Variants in KIF19 observed in about 807,000 individuals in gnomAD.
KIF19 encodes the protein kinesin-like protein KIF19.
Under a neutral mutation model 106.6 loss-of-function variants are expected in KIF19, and 98 were observed. That is an observed-to-expected ratio of 0.92 (90% CI 0.78 to 1.09). The LOEUF is 1.09. KIF19 is among the 50% of genes least tolerant of loss of function. KIF19 has a pLI of 0.00. For missense variants in KIF19, 1,373 were observed against 1,414.3 expected (o/e 0.97, Z 0.47); for synonymous variants, 516 against 584.2 (o/e 0.88, Z 1.68).
At chr17:74,341,118 T>C (rs1317681559) in intron 2 of KIF19, among the ~76,000 whole-genome samples, 1 of 152,094 alleles carries the variant, frequency 6.6e-6, no homozygotes, top group Admixed American at 6.6e-5. Flanking sequence ...GCGGGTCACT[T>C]GAGGTCAGGA....
intron 2 of KIF19, among the ~76,000 whole-genome samples, chr17:74,340,570 C>CACACACACACAT (rs2054343737): frequency 6.6e-6 from 1 of 152,104 alleles, no homozygotes; most frequent in Non-Finnish European, 1.5e-5. Context: ...CACACACACA[C>CACACACACACAT]ACACTGCTGC....
chr17:74,342,447 C>G (rs1433100499), intron 3 of KIF19, among the ~76,000 whole-genome samples, 183 bp from the exon 4 acceptor site: 8 of 152,168 alleles, frequency 5.3e-5, no homozygotes, highest in African/African-American at 1.7e-4. Flanking sequence ...TCTCTTTCAG[C>G]CTGACGTCCC....
chr17:74,343,803 A>G (rs572293024), intron 5 of KIF19, among the ~76,000 whole-genome samples: 268 of 152,282 alleles, frequency 1.8e-3, no homozygotes, highest in Middle Eastern at 3.4e-3. Context: ...CCCCAGAAGG[A>G]GCACAGGGGT....
chr17:74,346,284 A>G lies in KIF19; in HGVS notation c.778-94A>G, dbSNP rs1031417303. 1.7e-5 allele frequency: 24 copies of G among 1,385,556 alleles called. No homozygotes were observed. The highest frequency in any genetic ancestry group is 2.4e-5 in the Non-Finnish European group (24 of 1,018,994). The allele number at this position is 1,385,556 out of a possible 1,614,324, so 85.8% of individuals were successfully genotyped here. On this transcript the variant is annotated intron_variant, in intron 7 of 19. Coordinates refer to ENST00000389916, the MANE Select transcript of KIF19 (RefSeq NM_153209.4). The surrounding 1 kb of genome is among the most constrained non-coding windows in gnomAD (Gnocchi z 4.6). The stretch of plus-strand genomic sequence containing the variant: ...CAAGGTCCTTGGGGGTTTATTACCC[A>G]GGATCACCAGGTCATTCATTGGTGG...
chr17:74,329,823 G>A (rs1415239239), intron 2 of KIF19, among the ~76,000 whole-genome samples: 1 of 152,220 alleles, frequency 6.6e-6, no homozygotes, highest in Non-Finnish European at 1.5e-5. Context: ...GTGGTAGGAT[G>A]TGCTAATGGC....
intron 10 of KIF19, among the ~76,000 whole-genome samples, 174 bp from the exon 11 acceptor site, chr17:74,350,227 G>C (rs1349588614): frequency 6.6e-6 from 1 of 152,190 alleles, no homozygotes; most frequent in Non-Finnish European, 1.5e-5. Flanking sequence ...CTCAATGTGG[G>C]AGTGGGGTCT....
intron 10 of KIF19, among the ~76,000 whole-genome samples, chr17:74,350,190 A>C (rs2054658441): frequency 6.6e-6 from 1 of 152,182 alleles, no homozygotes; most frequent in Non-Finnish European, 1.5e-5. Flanking sequence ...AGGAGCTGGG[A>C]ATTGCTTTTG....
chr17:74,326,474 G>A (rs949279238), intron 1 of KIF19, 86 bp downstream of exon 1: 4 of 1,319,534 alleles, frequency 3.0e-6, no homozygotes, highest in African/African-American at 1.5e-5. Context: ...TCCCCTCGCC[G>A]CCACCCCACT....
intron 2 of KIF19, among the ~76,000 whole-genome samples, chr17:74,333,863 C>CTTTTTTTTTTTTT (rs368776098): frequency 4.5e-5 from 6 of 132,610 alleles, no homozygotes; most frequent in African/African-American, 5.7e-5. Context: ...CTTTTTTTTT[C>CTTTTTTTTTTTTT]TTTTTTTTTT....
At chr17:74,330,223 C>G (rs768006312) in intron 2 of KIF19, among the ~76,000 whole-genome samples, 2 of 152,170 alleles carry the variant, frequency 1.3e-5, no homozygotes, top group Non-Finnish European at 2.9e-5. Flanking sequence ...AACAGTGGTT[C>G]GAGGAGGTTC....
chr17:74,342,818 G>A, intron 4 of KIF19, 101 bp downstream of exon 4: 1 of 1,308,904 alleles, frequency 7.6e-7, no homozygotes, highest in South Asian at 1.2e-5. Context: ...AATCCAGGAT[G>A]TGGTCGCTCC....
rs61173377 is a variant in KIF19, at chr17:74,340,556, T to TACACACACACAC, written c.121-1313_121-1302dup. Among the ~76,000 whole-genome samples, 59 of 151,906 alleles carry TACACACACACAC rather than the reference T, an allele frequency of 3.9e-4. No homozygotes were observed. The East Asian group carries it at 8.2e-3, about 21-fold the overall frequency. ...ACGTGCCAGCAGGTATGCGCGCGCG[T>TACACACACACAC]ACACACACACACACACACTGCTGCC... is the stretch of plus-strand genomic sequence containing the variant. On this transcript the variant is annotated intron_variant, in intron 2 of 19. Coordinates refer to ENST00000389916, the MANE Select transcript of KIF19 (RefSeq NM_153209.4).
Position 74,353,527 on chromosome 17 carries a change from A to G in KIF19, c.2254A>G (p.Asn752Asp), listed in dbSNP as rs1438600209. Reference protein sequence around the residue: ...PAQDSLGSWINSSPDSSENLS... With the variant: ...PAQDSLGSWIDSSPDSSENLS... ...TCAGGACAGCCTGGGCAGCTGGATC[A>G]ACTCTTCCCCTGACAGCAGTGAGAA... is the stretch of plus-strand genomic sequence containing the variant. Residue 752 changes from asparagine to aspartate, a missense_variant, in exon 17 of 20, where the codon AAC (asparagine) becomes GAC (aspartate). Around this residue, in one of 3 missense-constraint regions of KIF19, gnomAD observed 1,020 missense variants for 1,008.2 expected, o/e 1.01. Coordinates refer to ENST00000389916, the MANE Select transcript of KIF19 (RefSeq NM_153209.4). 1 of 1,613,876 alleles carries G rather than the reference A, an allele frequency of 6.2e-7. No homozygotes were observed. Among genetic ancestry groups the G allele is most frequent in the Non-Finnish European group, 8.5e-7 (1 of 1,179,880 alleles).
chr17:74,353,349 G>A, intron 16 of KIF19, 48 bp downstream of exon 16: 2 of 1,499,650 alleles, frequency 1.3e-6, no homozygotes, highest in Non-Finnish European at 1.8e-6. Flanking sequence ...TGCAGCGGGT[G>A]CGGGACATGG....
In KIF19 at chr17:74,355,216, C is replaced by A. The variant is rs1303906139; in HGVS notation, c.2901C>A (p.Pro967=). ...ACTCCTCACCCCTGGCTGTTCCCCCCAACCCAGGTGGTGGTTCTCGACGGG... is the reference window on the plus strand; with the variant it reads ...ACTCCTCACCCCTGGCTGTTCCCCCAAACCCAGGTGGTGGTTCTCGACGGG... The part of the protein sequence containing the change: ...PGDSSPLAVP[P]NPGGGSRRAT... The change falls in exon 20 of 20, where the codon CCC becomes CCA. Residue 967 remains proline, a synonymous_variant. Transcript: ENST00000389916. 4 of 1,612,054 alleles carry A rather than the reference C, an allele frequency of 2.5e-6. No homozygotes were observed. The highest frequency in any genetic ancestry group is 1.7e-6 in the Non-Finnish European group (2 of 1,179,274).
intron 5 of KIF19, 75 bp from the exon 6 acceptor site, chr17:74,344,148 A>G (rs1460663462): frequency 7.1e-7 from 1 of 1,399,054 alleles, no homozygotes; most frequent in African/African-American, 1.4e-5. Context: ...ACGAAAGGAA[A>G]GGGGACTCAG....
In KIF19 at chr17:74,352,075, G is replaced by T. The variant is rs1176570055; in HGVS notation, c.1796G>T (p.Arg599Leu). The T allele has an allele frequency of 6.3e-7, 1 of 1,592,202 alleles. No individual in the cohort carries two copies. The highest frequency in any genetic ancestry group is 8.5e-7 in the Non-Finnish European group (1 of 1,172,444). The change falls in exon 13 of 20, where the codon CGC (arginine) becomes CTC (leucine). Residue 599 changes from arginine (R) to leucine (L), a missense_variant. Physicochemically the swap from Arg to Leu is moderately radical, Grantham distance 102 (BLOSUM62 -2). Coordinates refer to ENST00000389916, the MANE Select transcript of KIF19 (RefSeq NM_153209.4). ...ALRHRHEAVR[R>L]LEQHRSLCDE... ...CGCCACCGCCACGAGGCCGTGCGCC[G>T]CCTGGAGCAGCACCGCAGTCTCTGC...
In KIF19 at chr17:74,354,403, G is replaced by A. The variant is rs768360300; in HGVS notation, c.2550G>A (p.Thr850=). 16 of 1,611,006 alleles carry A rather than the reference G, an allele frequency of 9.9e-6. No homozygotes were observed. Among genetic ancestry groups the A allele is most frequent in the Middle Eastern group, 1.7e-4 (1 of 6,058 alleles). The part of the protein sequence containing the change: ...AASEDNLSSS[T]GEAPSRAVGH... ...GTGAGGACAACCTGTCCAGCAGCACGGGCGAGGCCCCGTCCCGGGCAGTCG... is the reference window on the plus strand; with the variant it reads ...GTGAGGACAACCTGTCCAGCAGCACAGGCGAGGCCCCGTCCCGGGCAGTCG... The change falls in exon 18 of 20, where the codon ACG becomes ACA. Residue 850 remains threonine (T), a synonymous_variant. Transcript: ENST00000389916.
At position 74,344,297 on chromosome 17, in the gene KIF19, G is replaced by T. The variant is rs1249477720; in HGVS notation, c.531G>T (p.Gly177=). 2 of 1,613,020 alleles carry T rather than the reference G, an allele frequency of 1.2e-6. No homozygotes were observed. Among genetic ancestry groups the T allele is most frequent in the South Asian group, 2.2e-5 (2 of 91,060 alleles). Residue 177 remains glycine, a synonymous_variant, in exon 6 of 20, where the codon GGG becomes GGT. Coordinates refer to ENST00000389916, the MANE Select transcript of KIF19 (RefSeq NM_153209.4). ...GYLELREDSK[G]VIQVAGITEV... is the part of the protein sequence containing the mutation. ...TGGAGCTGCGGGAGGACTCTAAGGG[G>T]GTGATCCAGGTGGCCGGCATCACCG...
Sources: gnomAD v4.1 joint callset for allele counts (sites outside exome capture counted in the v4.1 genomes callset) on GRCh38, gnomAD v4.1.1 for gene constraint, gnomAD v4.1.1 regional missense constraint, Gnocchi (gnomAD v3.1) non-coding constraint, MANE v1.5 for transcripts, NCBI Gene and HGNC (gene_info 2026-07-23, HGNC 2026-07-21) for gene names.